Variants in PTPRG observed in about 807,000 individuals in gnomAD.
PTPRG encodes protein tyrosine phosphatase receptor type G, also known as receptor-type tyrosine-protein phosphatase gamma.
In PTPRG, 102 loss-of-function variants were observed where a neutral mutation model predicts 165.3. That is an observed-to-expected ratio of 0.62 (90% CI 0.53 to 0.73). The LOEUF is 0.73. PTPRG is among the 30% of genes least tolerant of loss of function. The pLI is 0.00. For synonymous variants in PTPRG, 675 were observed against 669.5 expected (o/e 1.01, Z -0.13); for missense variants, 1,866 against 1,861.4 (o/e 1.00, Z -0.05).
chr3:62,021,052 G>C (rs563397314), intron 4 of PTPRG, among the ~76,000 whole-genome samples: 1 of 152,144 alleles, frequency 6.6e-6, no homozygotes, highest in Non-Finnish European at 1.5e-5. Flanking sequence ...TACTGCCACT[G>C]TGTGAGTACG....
Position 62,214,349 on chromosome 3 carries a change from T to C in PTPRG, c.2156-4502T>C, listed in dbSNP as rs1389346992. Reference sequence around the variant, plus strand: ...GTTGCCGAAGCTGGGGTGGTGGTGATGACAATAATCACAATAGTTAACATT... The same window carrying C: ...GTTGCCGAAGCTGGGGTGGTGGTGACGACAATAATCACAATAGTTAACATT... On this transcript the variant is annotated intron_variant, in intron 12 of 29. Coordinates refer to ENST00000474889, the MANE Select transcript of PTPRG (RefSeq NM_002841.4). The surrounding 1 kb of genome is among the most constrained non-coding windows in gnomAD (Gnocchi z 5.2). 6.6e-6 allele frequency among the ~76,000 whole-genome samples: 1 copy of C among 152,186 alleles called. No individual in the cohort carries two copies.
intron 2 of PTPRG, among the ~76,000 whole-genome samples, chr3:61,968,506 T>G (rs1240917947): frequency 6.6e-6 from 1 of 152,200 alleles, no homozygotes; most frequent in Non-Finnish European, 1.5e-5. Context: ...ATTGATAAAG[T>G]TTTAATATAT....
In PTPRG at chr3:62,075,573, A is replaced by C. The variant is rs141637544; in HGVS notation, c.520-2590A>C. Among the ~76,000 whole-genome samples, 262 of 152,326 alleles carry C rather than the reference A, an allele frequency of 1.7e-3. 1 individual carries two copies. Among genetic ancestry groups the C allele is most frequent in the African/African-American group, 6.0e-3 (249 of 41,572 alleles). ...AAAGAAAACTCTCCAAAAGAAAACT[A>C]CCCATCCTTCTCCCATGTACTTAGG... On this transcript the variant is annotated intron_variant, in intron 4 of 29. Transcript: ENST00000474889.
chr3:61,564,709 G>A (rs1306494594), intron 1 of PTPRG, among the ~76,000 whole-genome samples: 1 of 152,168 alleles, frequency 6.6e-6, no homozygotes, highest in South Asian at 2.1e-4. Flanking sequence ...CCGCGACGCC[G>A]CTGGACCTCA....
intron 1 of PTPRG, among the ~76,000 whole-genome samples, chr3:61,631,530 G>GTATAT (rs1428771955): frequency 1.3e-5 from 2 of 152,164 alleles, no homozygotes; most frequent in Non-Finnish European, 2.9e-5. Context: ...AAACCACAGT[G>GTATAT]TATATAGAGC....
intron 1 of PTPRG, among the ~76,000 whole-genome samples, chr3:61,594,448 G>C (rs1013547017): frequency 5.3e-5 from 8 of 151,856 alleles, no homozygotes; most frequent in Non-Finnish European, 8.8e-5. Flanking sequence ...GTTAGACGTT[G>C]GGAGTGCAAG....
chr3:61,975,420 C>G (rs2040480612), intron 2 of PTPRG, among the ~76,000 whole-genome samples: 1 of 152,196 alleles, frequency 6.6e-6, no homozygotes, highest in African/African-American at 2.4e-5. Context: ...TCCTCATTCT[C>G]AAAACAGTTT....
intron 2 of PTPRG, among the ~76,000 whole-genome samples, chr3:61,776,727 C>G (rs1164470146): frequency 6.6e-6 from 1 of 152,086 alleles, no homozygotes; most frequent in African/African-American, 2.4e-5. Context: ...CTTGAACATT[C>G]TCCATCTGAA....
chr3:61,941,490 G>A lies in PTPRG; in HGVS notation c.191-48135G>A, dbSNP rs141882000. Among the ~76,000 whole-genome samples, 13 of 152,324 alleles carry A rather than the reference G, an allele frequency of 8.5e-5. No homozygotes were observed. In the East Asian group the frequency reaches 1.7e-3, roughly 20 times the overall value. ...TACAAAAAATTAGCCGGGCATGGCGGTGCATGCCTGTAGCCCCAGCTGCTT... is the reference window on the plus strand; with the variant it reads ...TACAAAAAATTAGCCGGGCATGGCGATGCATGCCTGTAGCCCCAGCTGCTT... On this transcript the variant is annotated intron_variant, in intron 2 of 29. Transcript: ENST00000474889.
rs1375349578 is a variant in PTPRG, at chr3:62,273,448, A to G, written c.3319-250A>G. Among the ~76,000 whole-genome samples, 2 of 152,180 alleles carry G rather than the reference A, an allele frequency of 1.3e-5. No homozygotes were observed. The highest frequency in any genetic ancestry group is 4.1e-4 in the South Asian group (2 of 4,824). Reference sequence around the variant, plus strand: ...TTTGTTTGCTTATTGAGTTGAAGCAATAAGCACAGTATAGAATACCGTGAT... The same window carrying G: ...TTTGTTTGCTTATTGAGTTGAAGCAGTAAGCACAGTATAGAATACCGTGAT... On this transcript the variant is annotated intron_variant, in intron 22 of 29. Transcript: ENST00000474889. The surrounding 1 kb of genome is among the most constrained non-coding windows in gnomAD (Gnocchi z 4.1).
chr3:61,847,544 G>A (rs2036841257), intron 2 of PTPRG, among the ~76,000 whole-genome samples: 1 of 152,192 alleles, frequency 6.6e-6, no homozygotes, highest in South Asian at 2.1e-4. Context: ...GGGCTCAGGA[G>A]CCAGTGTGGC....
intron 2 of PTPRG, among the ~76,000 whole-genome samples, chr3:61,915,560 T>G (rs2038913790): frequency 6.6e-6 from 1 of 152,222 alleles, no homozygotes; most frequent in Non-Finnish European, 1.5e-5. Flanking sequence ...TTATTATTCT[T>G]TGGCCTGTTT....
intron 6 of PTPRG, among the ~76,000 whole-genome samples, chr3:62,136,230 A>G (rs1424982105): frequency 2.0e-5 from 3 of 152,218 alleles, no homozygotes; most frequent in African/African-American, 7.2e-5. Context: ...GCATTGAGAC[A>G]TGGACCTGCC....
chr3:61,728,398 A>G (rs1204971738), intron 1 of PTPRG, among the ~76,000 whole-genome samples: 1 of 152,174 alleles, frequency 6.6e-6, no homozygotes, highest in Non-Finnish European at 1.5e-5. Flanking sequence ...CCTGGTCAAC[A>G]TAGCAAGACC....
At chr3:62,201,578 T>C in intron 11 of PTPRG, 24 bp downstream of exon 11, 1 of 1,606,870 alleles carries the variant, frequency 6.2e-7, no homozygotes, top group Non-Finnish European at 8.5e-7. Context: ...GGGAAATTGC[T>C]TTGTCGTGGC....
chr3:61,644,904 T>C (rs900248076), intron 1 of PTPRG, among the ~76,000 whole-genome samples: 7 of 152,224 alleles, frequency 4.6e-5, no homozygotes, highest in African/African-American at 1.7e-4. Context: ...AAAGAAGGTG[T>C]TGCTTTATGG....
intron 8 of PTPRG, among the ~76,000 whole-genome samples, chr3:62,178,251 A>G (rs1705511092): frequency 6.6e-6 from 1 of 152,020 alleles, no homozygotes; most frequent in African/African-American, 2.4e-5. Flanking sequence ...GGATCCATGG[A>G]TGTATGGGAG....
At chr3:61,915,467 G>A (rs55651827) in intron 2 of PTPRG, among the ~76,000 whole-genome samples, 18,393 of 152,150 alleles carry the variant, frequency 0.12, 1,645 homozygotes, top group East Asian at 0.48. Context: ...TCTGATTAAT[G>A]TAGCAAGAGA....
rs1700435681 is a variant in PTPRG at position 62,214,118 on chromosome 3, T to C, written c.2156-4733T>C. Among the ~76,000 whole-genome samples, 1 of 152,214 alleles carries C rather than the reference T, an allele frequency of 6.6e-6. No homozygotes were observed. Among genetic ancestry groups the C allele is most frequent in the Admixed American group, 6.5e-5 (1 of 15,288 alleles). On this transcript the variant is annotated intron_variant, in intron 12 of 29. Coordinates refer to ENST00000474889, the MANE Select transcript of PTPRG (RefSeq NM_002841.4). The surrounding 1 kb of genome is among the most constrained non-coding windows in gnomAD (Gnocchi z 5.2). Reference sequence around the variant, plus strand: ...TAGCTCTTTACCAGCAATCTCATCATAGGCAGCCCTTTGTGCTGATACTCA... The same window carrying C: ...TAGCTCTTTACCAGCAATCTCATCACAGGCAGCCCTTTGTGCTGATACTCA...
Sources: gnomAD v4.1 joint callset for allele counts (sites outside exome capture counted in the v4.1 genomes callset) on GRCh38, gnomAD v4.1.1 for gene constraint, Gnocchi (gnomAD v3.1) non-coding constraint, MANE v1.5 for transcripts, NCBI Gene and HGNC (gene_info 2026-07-23, HGNC 2026-07-21) for gene names.